Variants in GRK2 observed in about 807,000 individuals in gnomAD.
GRK2 encodes adrenergic beta receptor kinase 1.
A neutral mutation model predicts 97.8 loss-of-function variants in GRK2; 23 were observed. The ratio of observed to expected loss-of-function variants is 0.24; its 90% CI spans 0.17 to 0.33. The LOEUF (loss-of-function observed/expected upper bound fraction) is 0.33, where lower values mean the gene tolerates loss of function less well. Ranked by LOEUF, GRK2 falls within the 10% of genes least tolerant of loss-of-function variation. GRK2 has a pLI of 1.00. For synonymous variants in GRK2, 425 were observed against 381.7 expected, an observed-to-expected ratio of 1.11 and a Z score of -1.32; for missense variants, 633 against 956.9, an observed-to-expected ratio of 0.66 and a Z score of 4.47.
chr11:67,267,568 G>A (rs979958503), intron 1 of GRK2, among the ~76,000 whole-genome samples: 1 of 152,220 alleles, frequency 6.6e-6, no homozygotes, highest in African/African-American at 2.4e-5. Context: ...GGTGCCCCGT[G>A]GGTGCTGTTG....
intron 6 of GRK2, 197 bp downstream of exon 6, chr11:67,280,097 C>A: frequency 1.6e-6 from 1 of 609,750 alleles, no homozygotes; most frequent in South Asian, 1.9e-5. Context: ...CCCTCCTCAG[C>A]ACCAGGCAGC....
chr11:67,274,495 C>CATTTTTTTTTTTTT (rs1859982021), intron 1 of GRK2, among the ~76,000 whole-genome samples: 1 of 22,472 alleles, frequency 4.4e-5, no homozygotes, highest in African/African-American at 1.2e-4. Flanking sequence ...TGACCAGCAC[C>CATTTTTTTTTTTTT]TTTTTTTTTT....
intron 5 of GRK2, 50 bp from the exon 6 acceptor site, chr11:67,279,789 A>C (rs1277314569): frequency 1.2e-6 from 2 of 1,612,912 alleles, no homozygotes; most frequent in East Asian, 2.2e-5. Flanking sequence ...GGGCCTGGGC[A>C]ACCACGGTCT....
In GRK2 at chr11:67,283,716, G is replaced by T; in HGVS notation, c.1338G>T (p.Glu446Asp). Residue 446 changes from glutamate (E) to aspartate (D), a missense_variant, in exon 16 of 21, where the codon GAG becomes GAT. Physicochemically the swap from Glu to Asp is conservative, Grantham distance 45. This residue lies in a region of GRK2 where 68 missense variants were observed against 71.0 expected (regional missense o/e 0.96). Transcript: ENST00000308595. ...TGGCCTCTCCCCACAGGGCTCAGGA[G>T]GTGAAAGAGAGCCCCTTTTTCCGCT... ...RLGCLGRGAQ[E>D]VKESPFFRSL... 1 of 1,613,452 alleles carries T rather than the reference G, an allele frequency of 6.2e-7. No individual in the cohort carries two copies. Among genetic ancestry groups the T allele is most frequent in the Non-Finnish European group, 8.5e-7 (1 of 1,180,006 alleles).
chr11:67,280,912 T>C (rs757808208), intron 7 of GRK2, 129 bp downstream of exon 7: 2 of 1,234,286 alleles, frequency 1.6e-6, no homozygotes, highest in Non-Finnish European at 2.4e-6. Context: ...GGGCCGTGGC[T>C]ATGGGGGTCA....
chr11:67,273,116 C>T (rs1005251793), intron 1 of GRK2, among the ~76,000 whole-genome samples: 7 of 152,196 alleles, frequency 4.6e-5, no homozygotes, highest in African/African-American at 7.2e-5. Context: ...GTGACGGTGG[C>T]GATTCAGCAT....
At position 67,281,173 on chromosome 11, in the gene GRK2, C is replaced by T. The variant is rs1860141949; in HGVS notation, c.636C>T (p.Asp212=). ...AGGTCTATGGGTGCCGGAAGGCTGA[C>T]ACAGGCAAGATGTGAGCACCCTGCT... ...FGEVYGCRKA[D]TGKMYAMKCL... is the part of the protein sequence containing the mutation. The change falls in exon 8 of 21, where the codon GAC becomes GAT. Residue 212 remains aspartate, a synonymous_variant. Transcript: ENST00000308595. The surrounding 1 kb of genome is among the most constrained non-coding windows in gnomAD (Gnocchi z 5.7). 1.2e-6 allele frequency: 2 copies of T among 1,612,940 alleles called. No individual in the cohort carries two copies. The highest frequency in any genetic ancestry group is 8.5e-7 in the Non-Finnish European group (1 of 1,179,560).
At chr11:67,274,760 G>A (rs1207873000) in intron 1 of GRK2, among the ~76,000 whole-genome samples, 12 of 151,994 alleles carry the variant, frequency 7.9e-5, no homozygotes, top group Admixed American at 4.6e-4. Flanking sequence ...CACAATCTCC[G>A]TCCACCGTTT....
At chr11:67,273,741 T>C (rs943852645) in intron 1 of GRK2, among the ~76,000 whole-genome samples, 8 of 152,264 alleles carry the variant, frequency 5.3e-5, no homozygotes, top group African/African-American at 1.9e-4. Flanking sequence ...TGCTGTGGGC[T>C]GGGAAGAATG....
chr11:67,283,016 T>A, intron 14 of GRK2, 112 bp from the exon 15 acceptor site: 1 of 1,230,460 alleles, frequency 8.1e-7, no homozygotes, highest in Non-Finnish European at 1.2e-6. Context: ...CGAGCTAGGA[T>A]GCTGTGCCCC....
intron 1 of GRK2, among the ~76,000 whole-genome samples, chr11:67,275,673 C>A (rs1474579412): frequency 6.6e-6 from 1 of 152,236 alleles, no homozygotes; most frequent in Non-Finnish European, 1.5e-5. Flanking sequence ...TGCCCTCTCT[C>A]CTGCCCCATT....
chr11:67,286,398 C>T lies in GRK2; in HGVS notation c.*948C>T, dbSNP rs924059075. The T allele has an allele frequency of 2.1e-5, 15 of 700,702 alleles. No homozygotes were observed. The African/African-American group carries it at 2.3e-4, about 11-fold the overall frequency. The allele number at this position is 700,702 out of a possible 1,614,324, so 43.4% of individuals were successfully genotyped here. On this transcript the variant is annotated 3_prime_UTR_variant, in exon 21 of 21. Transcript: ENST00000308595. The stretch of plus-strand genomic sequence containing the variant: ...CGCATGCCCCCTCGTGCCAGTCGCG[C>T]TGCCTGTGTGGTGTCGCGCCTTCTC...
chr11:67,281,257 C>A lies in GRK2; in HGVS notation c.647+73C>A. ...CTGGGGGACCCTGACAGGCCGGGTT[C>A]CACACAGGGCCACCTGCTGCTCCAT... is the stretch of plus-strand genomic sequence containing the variant. On this transcript the variant is annotated intron_variant, in intron 8 of 20. Transcript: ENST00000308595. The surrounding 1 kb of genome is among the most constrained non-coding windows in gnomAD (Gnocchi z 5.7). The A allele has an allele frequency of 1.5e-6, 2 of 1,337,514 alleles. No individual in the cohort carries two copies. Among genetic ancestry groups the A allele is most frequent in the Non-Finnish European group, 1.1e-6 (1 of 946,314 alleles). 82.9% of individuals were successfully genotyped at this position (1,337,514 alleles called of 1,614,324 possible). A position where few individuals can be genotyped will look rare whatever the true frequency, so the allele number is the denominator to read the frequency against.
chr11:67,282,141 G>A lies in GRK2; in HGVS notation c.958-130G>A. On this transcript the variant is annotated intron_variant, in intron 11 of 20. Transcript: ENST00000308595. The surrounding 1 kb of genome is among the most constrained non-coding windows in gnomAD (Gnocchi z 6.9). ...AGGTTGTAGCTGGGGACAGGAGAGAGGACCCCCACCTTTGCCCTTTCTTTG... is the reference window on the plus strand; with the variant it reads ...AGGTTGTAGCTGGGGACAGGAGAGAAGACCCCCACCTTTGCCCTTTCTTTG... 1 of 1,202,258 alleles carries A rather than the reference G, an allele frequency of 8.3e-7. No individual in the cohort carries two copies. The highest frequency in any genetic ancestry group is 1.4e-5 in the South Asian group (1 of 72,600). 74.5% of individuals were successfully genotyped at this position (1,202,258 alleles called of 1,614,324 possible). A position where few individuals can be genotyped will look rare whatever the true frequency, so the allele number is the denominator to read the frequency against.
Position 67,280,540 on chromosome 11 carries a change from G to A in GRK2, c.504-192G>A, listed in dbSNP as rs914237256. 3 of 655,398 alleles carry A rather than the reference G, an allele frequency of 4.6e-6. No individual in the cohort carries two copies. The African/African-American group carries it at 5.4e-5, about 12-fold the overall frequency. 40.6% of individuals were successfully genotyped at this position (655,398 alleles called of 1,614,324 possible). On this transcript the variant is annotated intron_variant, in intron 6 of 20. Transcript: ENST00000308595. ...GCCGAGGGCCATGCTGGGCACCCAAGCAGCCCTGACTGGTGCTGTGGGCGG... is the reference window on the plus strand; with the variant it reads ...GCCGAGGGCCATGCTGGGCACCCAAACAGCCCTGACTGGTGCTGTGGGCGG...
intron 1 of GRK2, among the ~76,000 whole-genome samples, chr11:67,270,527 G>A (rs756662439): frequency 2.0e-5 from 3 of 152,158 alleles, no homozygotes; most frequent in Non-Finnish European, 4.4e-5. Context: ...TGTGGGGGAA[G>A]GGGTGCAGCG....
At position 67,285,664 on chromosome 11, in the gene GRK2, G is replaced by C. The variant is rs889368276; in HGVS notation, c.*214G>C. The C allele has an allele frequency of 1.1e-5, 6 of 570,532 alleles. No individual in the cohort carries two copies. The highest frequency in any genetic ancestry group is 3.6e-5 in the Admixed American group (1 of 27,586). 35.3% of individuals were successfully genotyped at this position (570,532 alleles called of 1,614,324 possible). The stretch of plus-strand genomic sequence containing the variant: ...GCCCTCTGTCCTGACTTCAGGGGCT[G>C]CCCGCTCCCAGTGTCTTCCTGTGGG... On this transcript the variant is annotated 3_prime_UTR_variant, in exon 21 of 21. Coordinates refer to ENST00000308595, the MANE Select transcript of GRK2 (RefSeq NM_001619.5).
At chr11:67,275,103 G>T (rs1164622905) in intron 1 of GRK2, among the ~76,000 whole-genome samples, 1 of 152,182 alleles carries the variant, frequency 6.6e-6, no homozygotes, top group Non-Finnish European at 1.5e-5. Context: ...TGGGGAGCAG[G>T]CCAGGGGGTC....
In GRK2 at chr11:67,286,527, C is replaced by T; in HGVS notation, c.*1077C>T. On this transcript the variant is annotated 3_prime_UTR_variant, in exon 21 of 21. Transcript: ENST00000308595. ...TGATTTTAAAGAGTGAAAAATGAGA[C>T]TATGCGTTTTTATAAAAAATGGTGC... is the stretch of plus-strand genomic sequence containing the variant. The T allele has an allele frequency of 1.4e-6, 1 of 701,704 alleles. No individual in the cohort carries two copies. The allele number at this position is 701,704 out of a possible 1,614,324, so 43.5% of individuals were successfully genotyped here. A position where few individuals can be genotyped will look rare whatever the true frequency, so the allele number is the denominator to read the frequency against.
Sources: allele counts gnomAD v4.1 joint callset (sites outside exome capture counted in the v4.1 genomes callset), GRCh38; gene constraint gnomAD v4.1.1; regional missense constraint gnomAD v4.1.1; non-coding constraint Gnocchi (gnomAD v3.1); transcripts MANE v1.5; gene names NCBI Gene and HGNC (gene_info 2026-07-23, HGNC 2026-07-21).